The following PLCL1 variants were observed in gnomAD, a reference collection of about 807,000 sequenced individuals.
PLCL1 encodes the protein phospholipase C like 1 (inactive).
A neutral mutation model predicts 84.4 loss-of-function variants in PLCL1; 41 were observed. The ratio of observed to expected loss-of-function variants is 0.49; its 90% CI spans 0.38 to 0.63. The LOEUF (loss-of-function observed/expected upper bound fraction) is 0.63, where lower values mean the gene tolerates loss of function less well. Ranked by LOEUF, PLCL1 falls within the 30% of genes least tolerant of loss-of-function variation. The pLI is 0.00. For missense variants in PLCL1, 1,206 were observed against 1,367.8 expected (o/e 0.88, Z 1.87); for synonymous variants, 490 against 488.3 (o/e 1.00, Z -0.05).
rs966025079 is a variant in PLCL1 at position 197,847,089 on chromosome 2, C to T, written c.240+41750C>T. On this transcript the variant is annotated intron_variant, in intron 1 of 5. Transcript: ENST00000428675. ...TTCTCAGTAGTCCCAGTGAGAAAAG[C>T]TGTATTTCTTAAATATGGTCAGAAA... is the stretch of plus-strand genomic sequence containing the variant. Among the ~76,000 whole-genome samples, 111 of 152,154 alleles carry T rather than the reference C, an allele frequency of 7.3e-4. 1 individual carries two copies. Among genetic ancestry groups the T allele is most frequent in the African/African-American group, 2.6e-3 (109 of 41,498 alleles).
chr2:197,969,627 T>C (rs1689819897), intron 1 of PLCL1, among the ~76,000 whole-genome samples: 1 of 151,934 alleles, frequency 6.6e-6, no homozygotes, highest in Non-Finnish European at 1.5e-5. Flanking sequence ...TTAATACATA[T>C]GGTAATCATT....
At chr2:198,140,051 A>G (rs1574341054) in intron 5 of PLCL1, among the ~76,000 whole-genome samples, 2 of 152,130 alleles carry the variant, frequency 1.3e-5, no homozygotes, top group African/African-American at 4.8e-5. Flanking sequence ...TTCCTGCCTC[A>G]GCCTCCTGAG....
At chr2:198,040,810 T>C (rs1415170011) in intron 1 of PLCL1, among the ~76,000 whole-genome samples, 1 of 152,194 alleles carries the variant, frequency 6.6e-6, no homozygotes, top group Non-Finnish European at 1.5e-5. Flanking sequence ...GTGCCTTCAA[T>C]TGGTCTTCTG....
chr2:197,824,104 C>G (rs1470112729), intron 1 of PLCL1, among the ~76,000 whole-genome samples: 1 of 152,038 alleles, frequency 6.6e-6, no homozygotes, highest in Admixed American at 6.6e-5. Context: ...ATTCTTTTAT[C>G]TAAAATTTCA....
chr2:197,946,618 C>T (rs1351166855), intron 1 of PLCL1, among the ~76,000 whole-genome samples: 1 of 152,096 alleles, frequency 6.6e-6, no homozygotes, highest in Non-Finnish European at 1.5e-5. Flanking sequence ...AGAATATACT[C>T]TGGGGGCAGG....
At chr2:197,822,856 A>G (rs1437006466) in intron 1 of PLCL1, among the ~76,000 whole-genome samples, 38 of 152,162 alleles carry the variant, frequency 2.5e-4, no homozygotes, top group Non-Finnish European at 5.9e-5. Context: ...GGAAAAAAAT[A>G]CATATTCCAT....
chr2:198,087,391 T>A (rs1692911820), intron 2 of PLCL1, among the ~76,000 whole-genome samples: 3 of 152,176 alleles, frequency 2.0e-5, no homozygotes, highest in Admixed American at 6.5e-5. Flanking sequence ...ATTAGGCTAG[T>A]GTTATTGAGA....
intron 1 of PLCL1, among the ~76,000 whole-genome samples, chr2:198,029,717 T>C (rs1553512630): frequency 7.3e-6 from 1 of 136,870 alleles, no homozygotes; most frequent in Non-Finnish European, 1.6e-5. Flanking sequence ...TCTCTTCTCT[T>C]TTTTTTTGAG....
chr2:197,875,918 T>G (rs1687724760), intron 1 of PLCL1, among the ~76,000 whole-genome samples: 1 of 152,166 alleles, frequency 6.6e-6, no homozygotes, highest in African/African-American at 2.4e-5. Flanking sequence ...AGAGTAAATG[T>G]TTGGCTGAGC....
chr2:197,926,898 A>T (rs999062145), intron 1 of PLCL1, among the ~76,000 whole-genome samples: 1 of 152,102 alleles, frequency 6.6e-6, no homozygotes, highest in Admixed American at 6.6e-5. Context: ...TGAAGGCTTG[A>T]TTGGGCTGGA....
intron 1 of PLCL1, among the ~76,000 whole-genome samples, chr2:197,845,749 C>A (rs948071950): frequency 1.3e-5 from 2 of 152,074 alleles, no homozygotes; most frequent in African/African-American, 4.8e-5. Context: ...GCTTCACTCT[C>A]TATAGTATAT....
At chr2:197,861,647 G>C (rs80002761) in intron 1 of PLCL1, among the ~76,000 whole-genome samples, 1 of 152,120 alleles carries the variant, frequency 6.6e-6, no homozygotes, top group Non-Finnish European at 1.5e-5. Context: ...TGGGGACTGA[G>C]ACTTCAACCT....
chr2:197,893,713 G>A (rs1290898092), intron 1 of PLCL1, among the ~76,000 whole-genome samples: 1 of 149,356 alleles, frequency 6.7e-6, no homozygotes, highest in Non-Finnish European at 1.5e-5. Flanking sequence ...GTGCTTAAAT[G>A]CTCTAGGGTA....
chr2:197,909,021 T>C (rs918358123), intron 1 of PLCL1, among the ~76,000 whole-genome samples: 2 of 152,212 alleles, frequency 1.3e-5, no homozygotes, highest in Non-Finnish European at 2.9e-5. Flanking sequence ...ACGAGACTCA[T>C]GCTATTTCTC....
intron 1 of PLCL1, among the ~76,000 whole-genome samples, chr2:197,903,076 G>A (rs943286039): frequency 7.9e-5 from 12 of 152,134 alleles, no homozygotes; most frequent in African/African-American, 2.4e-4. Flanking sequence ...AGGTGTTAGC[G>A]TGTTTTGATA....
intron 1 of PLCL1, among the ~76,000 whole-genome samples, chr2:197,992,662 C>T (rs1470819877): frequency 2.6e-5 from 4 of 152,162 alleles, no homozygotes; most frequent in South Asian, 2.1e-4. Flanking sequence ...TTCATTTCCC[C>T]ATACTGAACG....
chr2:197,912,037 C>G (rs927854097), intron 1 of PLCL1, among the ~76,000 whole-genome samples: 2 of 152,172 alleles, frequency 1.3e-5, no homozygotes, highest in Non-Finnish European at 2.9e-5. Flanking sequence ...ACATTTGAGT[C>G]ACAGCATTGG....
chr2:198,141,488 A>T (rs1694385920), intron 5 of PLCL1, among the ~76,000 whole-genome samples: 1 of 152,094 alleles, frequency 6.6e-6, no homozygotes, highest in Non-Finnish European at 1.5e-5. Context: ...AAAAAAAAAA[A>T]AAAAAAAGTC....
intron 3 of PLCL1, among the ~76,000 whole-genome samples, chr2:198,097,552 T>C (rs772316457): frequency 1.1e-4 from 17 of 152,188 alleles, no homozygotes; most frequent in Non-Finnish European, 7.3e-5. Context: ...TAAATCGTAA[T>C]GACAGCTGGA....
Sources: allele counts gnomAD v4.1 joint callset (sites outside exome capture counted in the v4.1 genomes callset), GRCh38; gene constraint gnomAD v4.1.1; transcripts MANE v1.5; gene names NCBI Gene and HGNC (gene_info 2026-07-23, HGNC 2026-07-21).